PPP1R1C: variants seen among roughly 807,000 people sequenced by gnomAD.
The protein encoded by PPP1R1C is protein phosphatase 1 regulatory subunit 1C.
Under a neutral mutation model 17.4 loss-of-function variants are expected in PPP1R1C, and 15 were observed. The observed-to-expected ratio is 0.86, with a 90% confidence interval of 0.58 to 1.33. PPP1R1C has a LOEUF of 1.33. Among genes scored for constraint, PPP1R1C ranks in the 40% most tolerant of loss-of-function variants. The pLI, the probability that PPP1R1C is intolerant of heterozygous loss-of-function variation, is 0.00. For synonymous variants in PPP1R1C, 35 were observed against 43.1 expected (o/e 0.81, Z 0.73); for missense variants, 143 against 130.0 (o/e 1.10, Z -0.48).
At chr2:182,050,474 T>C (rs1410183644) in intron 2 of PPP1R1C, among the ~76,000 whole-genome samples, 1 of 152,218 alleles carries the variant, frequency 6.6e-6, no homozygotes. Flanking sequence ...ACAAAAGTGC[T>C]GCCTCTGCAG....
rs1288139083 is a variant in PPP1R1C, at chr2:181,962,961, A to G, written n.111+8327A>G. On this transcript the variant is annotated intron_variant and non_coding_transcript_variant, in intron 1 of 5. Transcript: ENST00000464264. This position sits in a 1 kb window ranked among gnomAD's most constrained non-coding sequence, Gnocchi z 6.0. ...TCCCAGGGTGGGTAGTATACAAGGT[A>G]ATATACAACACAGAGCAGGGCTGCC... is the stretch of plus-strand genomic sequence containing the variant. 6.6e-6 allele frequency among the ~76,000 whole-genome samples: 1 copy of G among 152,146 alleles called. No homozygotes were observed. Among genetic ancestry groups the G allele is most frequent in the African/African-American group, 2.4e-5 (1 of 41,434 alleles).
chr2:182,115,118 C>T (rs189417713), intron 4 of PPP1R1C, among the ~76,000 whole-genome samples: 1 of 152,104 alleles, frequency 6.6e-6, no homozygotes, highest in Admixed American at 6.6e-5. Context: ...AGAACCTTTG[C>T]AAACCTGGCA....
At chr2:181,982,697 T>C (rs954593715), upstream of PPP1R1C, among the ~76,000 whole-genome samples, 1 of 151,714 alleles carries the variant, frequency 6.6e-6, no homozygotes, top group East Asian at 1.9e-4. Context: ...TCCAGGGAGG[T>C]AGGGGAGGCC....
intron 2 of PPP1R1C, among the ~76,000 whole-genome samples, chr2:182,058,633 T>C (rs1447447912): frequency 6.6e-6 from 1 of 152,146 alleles, no homozygotes; most frequent in Admixed American, 6.6e-5. Context: ...TGCTTCCTCT[T>C]TCCCATTTCA....
intron 4 of PPP1R1C, among the ~76,000 whole-genome samples, chr2:182,084,771 G>A (rs1170960731): frequency 6.6e-6 from 1 of 151,846 alleles, no homozygotes; most frequent in African/African-American, 2.4e-5. Context: ...TTTAAGGATT[G>A]TTTTCTTAAT....
At chr2:182,091,959 A>G (rs1688794108) in intron 4 of PPP1R1C, among the ~76,000 whole-genome samples, 1 of 152,164 alleles carries the variant, frequency 6.6e-6, no homozygotes, top group South Asian at 2.1e-4. Context: ...GAACATAGTG[A>G]CACTCAATAA....
At chr2:182,062,322 G>A (rs1024952838) in intron 3 of PPP1R1C, among the ~76,000 whole-genome samples, 10 of 152,022 alleles carry the variant, frequency 6.6e-5, no homozygotes, top group African/African-American at 2.4e-4. Context: ...GTTTTTATTA[G>A]TAAGTTTACA....
chr2:181,975,640 T>G (rs891124207), intron 2 of PPP1R1C, among the ~76,000 whole-genome samples: 1 of 151,886 alleles, frequency 6.6e-6, no homozygotes, highest in Non-Finnish European at 1.5e-5. Context: ...GTTCTTTCTC[T>G]TTTTATTTTT....
chr2:182,063,869 T>C (rs2125198458), intron 4 of PPP1R1C, 78 bp downstream of exon 4: 1 of 1,007,134 alleles, frequency 9.9e-7, no homozygotes, highest in Non-Finnish European at 1.6e-6. Flanking sequence ...TAGGACCACA[T>C]ATCTGATGAT....
chr2:182,110,257 A>G (rs1331985979), intron 4 of PPP1R1C, among the ~76,000 whole-genome samples: 1 of 151,184 alleles, frequency 6.6e-6, no homozygotes. Context: ...AATGAAAAAT[A>G]AAATTTAATA....
intron 4 of PPP1R1C, among the ~76,000 whole-genome samples, chr2:182,116,135 G>C (rs1476996944): frequency 6.6e-6 from 1 of 152,074 alleles, no homozygotes; most frequent in Non-Finnish European, 1.5e-5. Flanking sequence ...AAAATCTAAA[G>C]ATAGATTATT....
intron 2 of PPP1R1C, among the ~76,000 whole-genome samples, chr2:182,041,311 A>C (rs1418680784): frequency 6.6e-6 from 1 of 152,182 alleles, no homozygotes; most frequent in African/African-American, 2.4e-5. Flanking sequence ...CACTTCTCTT[A>C]CTAAAAATTG....
chr2:182,119,125 A>G (rs1034892541), downstream of PPP1R1C, among the ~76,000 whole-genome samples: 4 of 151,642 alleles, frequency 2.6e-5, no homozygotes, highest in African/African-American at 7.3e-5. Context: ...TCACTGTTCA[A>G]TTCCCACCTA....
chr2:182,077,888 A>G lies in PPP1R1C; in HGVS notation c.241+14097A>G, dbSNP rs1278157529. Among the ~76,000 whole-genome samples the G allele has an allele frequency of 2.6e-5, 4 of 152,222 alleles. No homozygotes were observed. The East Asian group carries it at 7.7e-4, about 29-fold the overall frequency. ...TACAAGTAGAAAATAATGTTTAAGA[A>G]GTGGAACCCTTGCCGGGCGTGGTGG... On this transcript the variant is annotated intron_variant, in intron 4 of 4. Coordinates refer to ENST00000682840, the MANE Select transcript of PPP1R1C (RefSeq NM_001080545.3).
chr2:182,104,519 C>A (rs557809351), intron 4 of PPP1R1C, among the ~76,000 whole-genome samples: 61 of 152,254 alleles, frequency 4.0e-4, no homozygotes, highest in African/African-American at 1.4e-3. Flanking sequence ...ATATGTTGAA[C>A]CATCTTTGCA....
intron 2 of PPP1R1C, among the ~76,000 whole-genome samples, chr2:182,006,817 C>T (rs1279623529): frequency 6.6e-6 from 1 of 152,150 alleles, no homozygotes; most frequent in Non-Finnish European, 1.5e-5. Flanking sequence ...ATCAAAGTGA[C>T]AATCATGGAC....
At chr2:182,116,537 A>G (rs1515894) in intron 4 of PPP1R1C, among the ~76,000 whole-genome samples, 103,160 of 151,900 alleles carry the variant, frequency 0.68, 35,306 homozygotes, top group African/African-American at 0.75. Flanking sequence ...AGCCTGGAGT[A>G]GCCCGGGGGA....
chr2:182,055,407 T>A (rs1198929523), intron 2 of PPP1R1C, among the ~76,000 whole-genome samples: 1 of 152,174 alleles, frequency 6.6e-6, no homozygotes, highest in Non-Finnish European at 1.5e-5. Flanking sequence ...ATCTATGATA[T>A]TTACTCACAT....
chr2:182,121,809 C>T (rs1459909239), downstream of PPP1R1C, among the ~76,000 whole-genome samples: 1 of 152,170 alleles, frequency 6.6e-6, no homozygotes, highest in African/African-American at 2.4e-5. Flanking sequence ...GCCTACCCTA[C>T]TTATTCTTGA....
Sources: gnomAD v4.1 joint callset for allele counts (sites outside exome capture counted in the v4.1 genomes callset) on GRCh38, gnomAD v4.1.1 for gene constraint, Gnocchi (gnomAD v3.1) non-coding constraint, MANE v1.5 for transcripts, NCBI Gene and HGNC (gene_info 2026-07-23, HGNC 2026-07-21) for gene names.